The following TMEM109 variants were observed in gnomAD, a reference collection of about 807,000 sequenced individuals.
The protein encoded by TMEM109 is transmembrane protein 109, also known as voltage-gated monoatomic cation channel TMEM109.
A neutral mutation model predicts 26.4 loss-of-function variants in TMEM109; 19 were observed. The ratio of observed to expected loss-of-function variants is 0.72; its 90% CI spans 0.50 to 1.06. The LOEUF (loss-of-function observed/expected upper bound fraction) is 1.06, where lower values mean the gene tolerates loss of function less well. Among genes scored for constraint, TMEM109 ranks in the 50% least tolerant of loss-of-function variants. The pLI is 0.00. For missense variants in TMEM109, 262 were observed against 303.4 expected, an observed-to-expected ratio of 0.86 and a Z score of 1.01; for synonymous variants, 129 against 142.0, an observed-to-expected ratio of 0.91 and a Z score of 0.65.
At chr11:60,915,305 G>T (rs1856161752) in intron 1 of TMEM109, among the ~76,000 whole-genome samples, 1 of 152,236 alleles carries the variant, frequency 6.6e-6, no homozygotes, top group Non-Finnish European at 1.5e-5. Context: ...CGTTTGAGGA[G>T]ACTGCAACTC....
chr11:60,921,429 C>A (rs926658241), intron 3 of TMEM109, among the ~76,000 whole-genome samples: 1 of 152,068 alleles, frequency 6.6e-6, no homozygotes. Context: ...CACCCAGACC[C>A]CCTAAAAAAG....
chr11:60,921,220 G>T (rs1856233627), intron 3 of TMEM109, among the ~76,000 whole-genome samples: 2 of 152,156 alleles, frequency 1.3e-5, no homozygotes, highest in African/African-American at 4.8e-5. Context: ...CTTGAGGCCA[G>T]AAGTTTGAGA....
At position 60,922,102 on chromosome 11, in the gene TMEM109, G is replaced by A. The variant is rs1289723442; in HGVS notation, c.669G>A (p.Val223=). 6.2e-7 allele frequency: 1 copy of A among 1,612,778 alleles called. No homozygotes were observed. The highest frequency in any genetic ancestry group is 8.5e-7 in the Non-Finnish European group (1 of 1,179,776). ...AGGTGCGAGGGCTGGAACGCCAGGTGGAGGAGCTGCGCTGGCGCCAGAGGC... is the reference window on the plus strand; with the variant it reads ...AGGTGCGAGGGCTGGAACGCCAGGTAGAGGAGCTGCGCTGGCGCCAGAGGC... ...EAKVRGLERQ[V]EELRWRQRRA... The change falls in exon 4 of 4, where the codon GTG becomes GTA. Residue 223 remains valine, a synonymous_variant. Coordinates refer to ENST00000227525, the MANE Select transcript of TMEM109 (RefSeq NM_024092.3).
At chr11:60,921,738 C>A in intron 3 of TMEM109, 36 bp from the exon 4 acceptor site, 1 of 1,557,148 alleles carries the variant, frequency 6.4e-7, no homozygotes, top group Non-Finnish European at 8.8e-7. Context: ...ACCACTTCTC[C>A]AGGTTGGCTG....
chr11:60,918,941 G>C (rs956009849), intron 1 of TMEM109: 1 of 152,418 alleles, frequency 6.6e-6, no homozygotes, highest in Non-Finnish European at 1.5e-5. Context: ...TACTTGGGAA[G>C]CTTCCAGGTG....
chr11:60,917,505 C>A (rs1856185929), intron 1 of TMEM109, among the ~76,000 whole-genome samples: 1 of 152,222 alleles, frequency 6.6e-6, no homozygotes, highest in South Asian at 2.1e-4. Flanking sequence ...TCCTTACCTG[C>A]TTCAATGAGT....
rs1856143476 is a variant in TMEM109, at chr11:60,914,160, C to T, written c.-117C>T. 6.6e-6 allele frequency: 1 copy of T among 152,230 alleles called. No homozygotes were observed. Among genetic ancestry groups the T allele is most frequent in the Non-Finnish European group, 1.5e-5 (1 of 68,054 alleles). The allele number at this position is 152,230 out of a possible 1,614,324, so 9.4% of individuals were successfully genotyped here. On this transcript the variant is annotated 5_prime_UTR_variant, in exon 1 of 4. Transcript: ENST00000227525. ...AAGGCCGGCTAGTCTCCGAGCTCAT[C>T]CCGCCTTGCGCATGCGGAGAAGGTA...
intron 2 of TMEM109, among the ~76,000 whole-genome samples, chr11:60,920,600 T>C (rs969278096): frequency 2.0e-5 from 3 of 152,152 alleles, no homozygotes; most frequent in Non-Finnish European, 4.4e-5. Flanking sequence ...TACTACTCCC[T>C]CCAAAGTATC....
At chr11:60,915,125 C>T (rs925281006) in intron 1 of TMEM109, among the ~76,000 whole-genome samples, 26 of 152,218 alleles carry the variant, frequency 1.7e-4, no homozygotes, top group African/African-American at 3.4e-4. Flanking sequence ...GGGAGTCGCT[C>T]GGTCTACTGG....
chr11:60,914,903 T>C (rs1856156859), intron 1 of TMEM109, among the ~76,000 whole-genome samples: 1 of 152,244 alleles, frequency 6.6e-6, no homozygotes, highest in Non-Finnish European at 1.5e-5. Flanking sequence ...GGCTTCGCCT[T>C]GTTTAGGACC....
chr11:60,920,780 A>C (rs1856226450), intron 2 of TMEM109, 106 bp from the exon 3 acceptor site: 1 of 1,025,984 alleles, frequency 9.7e-7, no homozygotes, highest in Non-Finnish European at 1.5e-6. Context: ...GGTGAGAAAC[A>C]GGTCTGAGAC....
In TMEM109 at chr11:60,921,958, G is replaced by A. The variant is rs1176124793; in HGVS notation, c.525G>A (p.Leu175=). The A allele has an allele frequency of 6.2e-6, 10 of 1,613,826 alleles. No homozygotes were observed. The Admixed American group carries it at 1.7e-4, about 27-fold the overall frequency. Residue 175 remains leucine (L), a synonymous_variant, in exon 4 of 4, where the codon CTG becomes CTA. Coordinates refer to ENST00000227525, the MANE Select transcript of TMEM109 (RefSeq NM_024092.3). Reference sequence around the variant, plus strand: ...TCTTCCTGGCCGGCTTCGTGGCCCTGATGAGGTCGGTGCCTGACCCTTCCA... The same window carrying A: ...TCTTCCTGGCCGGCTTCGTGGCCCTAATGAGGTCGGTGCCTGACCCTTCCA... The part of the protein sequence containing the change: ...LVIFLAGFVA[L]MRSVPDPSTR...
Position 60,921,790 on chromosome 11 carries a change from G to T in TMEM109, c.357G>T (p.Gln119His). 6.2e-7 allele frequency: 1 copy of T among 1,611,496 alleles called. No homozygotes were observed. The change falls in exon 4 of 4, where the codon CAG becomes CAT. Residue 119 changes from glutamine to histidine, a missense_variant. Gln to His is a conservative substitution (Grantham distance 24, BLOSUM62 0). Transcript: ENST00000227525. Reference protein sequence around the residue: ...ALGLAGDYLAQGLKLSPGQVQ... With the variant: ...ALGLAGDYLAHGLKLSPGQVQ... ...GGCTTCCAGGTGATTACCTCGCCCA[G>T]GGCCTGAAGCTCAGCCCTGGCCAGG...
intron 1 of TMEM109, among the ~76,000 whole-genome samples, chr11:60,917,016 C>G (rs887089728): frequency 1.3e-5 from 2 of 152,216 alleles, no homozygotes; most frequent in Non-Finnish European, 2.9e-5. Flanking sequence ...CAGGAACCAT[C>G]TGGTTCTTGA....
Position 60,922,348 on chromosome 11 carries a change from T to A in TMEM109, c.*183T>A. ...AAAGACCATTCCCCCTGCCTGTCCT[T>A]GCGGCCCTGTCTTCTGAGGTTCTCT... On this transcript the variant is annotated 3_prime_UTR_variant, in exon 4 of 4. Coordinates refer to ENST00000227525, the MANE Select transcript of TMEM109 (RefSeq NM_024092.3). 1 of 1,534,762 alleles carries A rather than the reference T, an allele frequency of 6.5e-7. No individual in the cohort carries two copies.
intron 1 of TMEM109, among the ~76,000 whole-genome samples, chr11:60,914,854 C>T (rs572707127): frequency 1.9e-4 from 29 of 152,390 alleles, no homozygotes; most frequent in Admixed American, 3.3e-4. Flanking sequence ...GGAGCTGCCC[C>T]CAACCTGCCA....
chr11:60,914,479 T>G (rs919711266), intron 1 of TMEM109, among the ~76,000 whole-genome samples: 3 of 152,080 alleles, frequency 2.0e-5, no homozygotes, highest in African/African-American at 7.2e-5. Context: ...GGCGCACGTT[T>G]CCGGGGAGAA....
At chr11:60,920,517 A>G (rs1332658063) in intron 2 of TMEM109, among the ~76,000 whole-genome samples, 1 of 152,200 alleles carries the variant, frequency 6.6e-6, no homozygotes, top group African/African-American at 2.4e-5. Context: ...CTGGACAGCT[A>G]GCAGGCCTCC....
At chr11:60,916,352 A>G (rs556739627) in intron 1 of TMEM109, among the ~76,000 whole-genome samples, 160 of 152,380 alleles carry the variant, frequency 1.1e-3, no homozygotes, top group Middle Eastern at 0.01. Flanking sequence ...ATAGATATGT[A>G]TAACATTTGT....
Sources: gnomAD v4.1 joint callset for allele counts (sites outside exome capture counted in the v4.1 genomes callset) on GRCh38, gnomAD v4.1.1 for gene constraint, MANE v1.5 for transcripts, NCBI Gene and HGNC (gene_info 2026-07-23, HGNC 2026-07-21) for gene names.